Variants in ADAM22 observed in about 807,000 individuals in gnomAD.
ADAM22 encodes the protein ADAM metallopeptidase domain 22.
Under a neutral mutation model 144.6 loss-of-function variants are expected in ADAM22, and 65 were observed. The ratio of observed to expected loss-of-function variants is 0.45; its 90% confidence interval spans 0.37 to 0.55. The LOEUF (loss-of-function observed/expected upper bound fraction) is 0.55, where lower values mean the gene tolerates loss of function less well. ADAM22 is among the 20% of genes least tolerant of loss of function. The pLI, the probability that ADAM22 is intolerant of heterozygous loss-of-function variation, is 0.00. For synonymous variants in ADAM22, 391 were observed against 412.6 expected (o/e 0.95, Z 0.63); for missense variants, 974 against 1,184.9 (o/e 0.82, Z 2.61).
At chr7:88,108,714 G>A (rs1283524220) in intron 5 of ADAM22, among the ~76,000 whole-genome samples, 1 of 147,872 alleles carries the variant, frequency 6.8e-6, no homozygotes, top group African/African-American at 2.5e-5. Context: ...GTGGGATAGA[G>A]CGAGACTCTG....
intron 2 of ADAM22, among the ~76,000 whole-genome samples, chr7:87,936,607 C>T (rs1166682042): frequency 6.6e-6 from 1 of 152,050 alleles, no homozygotes; most frequent in East Asian, 1.9e-4. Flanking sequence ...ATTTCTTTTT[C>T]TATTTCCTTT....
rs1240805357 is a variant in ADAM22, at chr7:88,199,794, A to AAGTGAT, written c.*3305_*3310dup. The AAGTGAT allele has an allele frequency of 1.3e-5, 2 of 152,252 alleles. No homozygotes were observed. Among genetic ancestry groups the AAGTGAT allele is most frequent in the Non-Finnish European group, 2.9e-5 (2 of 68,038 alleles). 9.4% of individuals were successfully genotyped at this position (152,252 alleles called of 1,614,324 possible). ...TTCACTTTGATATTGGTGCTTTATT[A>AAGTGAT]AGTGATACCATAGTTTCTCTCTCTT... On this transcript the variant is annotated 3_prime_UTR_variant, in exon 32 of 32. Transcript: ENST00000413139.
At chr7:88,190,280 A>G (rs547261888) in intron 30 of ADAM22, among the ~76,000 whole-genome samples, 10 of 152,238 alleles carry the variant, frequency 6.6e-5, no homozygotes, top group Non-Finnish European at 1.2e-4. Context: ...CATGCCTATA[A>G]TTCCAGCACT....
At chr7:88,194,968 C>A (rs1850370213) in intron 31 of ADAM22, among the ~76,000 whole-genome samples, 1 of 152,188 alleles carries the variant, frequency 6.6e-6, no homozygotes, top group South Asian at 2.1e-4. Context: ...TACCACAGTC[C>A]TGTGGAGTAG....
intron 27 of ADAM22, among the ~76,000 whole-genome samples, chr7:88,180,765 A>G (rs932610506): frequency 6.6e-6 from 1 of 152,146 alleles, no homozygotes; most frequent in Non-Finnish European, 1.5e-5. Context: ...TCTGAAGTAT[A>G]TGTAGCTTGT....
chr7:87,948,913 G>A (rs1401262909), intron 2 of ADAM22, among the ~76,000 whole-genome samples: 1 of 152,182 alleles, frequency 6.6e-6, no homozygotes, highest in Non-Finnish European at 1.5e-5. Flanking sequence ...TTGGTGCTCA[G>A]TAAATATTTA....
chr7:88,039,464 A>ATATATAT (rs1554420478), intron 3 of ADAM22, among the ~76,000 whole-genome samples: 103 of 76,388 alleles, frequency 1.3e-3, no homozygotes, highest in African/African-American at 4.6e-3. Flanking sequence ...AAAAAAAAAA[A>ATATATAT]ATATATATAT....
chr7:88,001,675 G>C (rs998598419), intron 3 of ADAM22, among the ~76,000 whole-genome samples: 2 of 151,942 alleles, frequency 1.3e-5, no homozygotes, highest in African/African-American at 4.8e-5. Context: ...GGTCAGAACT[G>C]ATTGTGGCCC....
At chr7:88,006,341 A>T (rs1793846055) in intron 3 of ADAM22, among the ~76,000 whole-genome samples, 1 of 152,004 alleles carries the variant, frequency 6.6e-6, no homozygotes, top group South Asian at 2.1e-4. Context: ...AACTGGTACC[A>T]TTCCTTCTGA....
At position 88,131,404 on chromosome 7, in the gene ADAM22, A is replaced by G. The variant is rs1831726091; in HGVS notation, c.961A>G (p.Lys321Glu). The G allele has an allele frequency of 2.5e-6, 4 of 1,613,750 alleles. No individual in the cohort carries two copies. Among genetic ancestry groups the G allele is most frequent in the Admixed American group, 1.7e-5 (1 of 59,966 alleles). Residue 321 changes from lysine to glutamate, a missense_variant, in exon 11 of 32, where the codon AAA becomes GAA. Transcript: ENST00000413139. ...TATGAAATACAGGAGGGATTTTATC[A>G]AAGAGAAAAGTGATGCAGTTCACCT... ...EFMKYRRDFI[K>E]EKSDAVHLFS...
chr7:88,024,347 A>C (rs1447997863), intron 3 of ADAM22, among the ~76,000 whole-genome samples: 1 of 152,250 alleles, frequency 6.6e-6, no homozygotes, highest in African/African-American at 2.4e-5. Context: ...CCTCACCAGC[A>C]TTTGTTATTG....
chr7:87,993,473 T>G (rs572580818), intron 3 of ADAM22, among the ~76,000 whole-genome samples: 59 of 152,304 alleles, frequency 3.9e-4, no homozygotes, highest in African/African-American at 1.3e-3. Context: ...GATTGCACAA[T>G]AATAGCCCTG....
At chr7:88,145,306 G>A in intron 16 of ADAM22, 109 bp from the exon 17 acceptor site, 1 of 1,498,530 alleles carries the variant, frequency 6.7e-7, no homozygotes, top group Non-Finnish European at 9.2e-7. Context: ...TATAGGATTT[G>A]TGGAAGAAAA....
chr7:88,128,769 G>A, intron 9 of ADAM22, 93 bp downstream of exon 9: 1 of 947,566 alleles, frequency 1.1e-6, no homozygotes, highest in Admixed American at 2.3e-5. Context: ...AGCCCATCAA[G>A]TTGTAACCTG....
intron 27 of ADAM22, among the ~76,000 whole-genome samples, 170 bp from the exon 28 acceptor site, chr7:88,181,335 C>G (rs944492456): frequency 6.6e-6 from 1 of 152,092 alleles, no homozygotes; most frequent in Non-Finnish European, 1.5e-5. Flanking sequence ...TTGTGTAATT[C>G]TGCCTTCTTC....
Position 88,151,311 on chromosome 7 carries a change from TG to T in ADAM22, c.1677del (p.Gln560LysfsTer3). The T allele has an allele frequency of 6.2e-7, 1 of 1,614,116 alleles. No homozygotes were observed. Among genetic ancestry groups the T allele is most frequent in the Non-Finnish European group, 8.5e-7 (1 of 1,179,988 alleles). ...CAGAGATAGACAATGCAAATACATT[TG>T]GGGGCAAAGTAAGTAAATAGTGTGG... ...KTRDRQCKYI[W>X]GQKVTASDKY... On this transcript the variant is annotated frameshift_variant, in exon 20 of 32. Coordinates refer to ENST00000413139, the MANE Select transcript of ADAM22 (RefSeq NM_001324418.2). LOFTEE classifies it high-confidence loss of function.
At chr7:88,034,031 T>C (rs906073066) in intron 3 of ADAM22, among the ~76,000 whole-genome samples, 1 of 152,106 alleles carries the variant, frequency 6.6e-6, no homozygotes, top group Non-Finnish European at 1.5e-5. Flanking sequence ...TGCTTGGTGC[T>C]CCACCCCAGT....
At chr7:88,116,936 G>A in intron 7 of ADAM22, 122 bp downstream of exon 7, 1 of 670,888 alleles carries the variant, frequency 1.5e-6, no homozygotes, top group South Asian at 2.2e-5. Context: ...ATTTTTAGAG[G>A]GAGAGCCAAG....
At position 88,057,745 on chromosome 7, in the gene ADAM22, C is replaced by T. The variant is rs529857562; in HGVS notation, c.324-17881C>T. Among the ~76,000 whole-genome samples the T allele has an allele frequency of 5.3e-5, 8 of 152,226 alleles. No homozygotes were observed. The East Asian group carries it at 1.4e-3, about 26-fold the overall frequency. Reference sequence around the variant, plus strand: ...TGGCTGATATTTGCTGGAAATGGCCCTTGGAATGGAAAGCTAGGTCAGGAA... The same window carrying T: ...TGGCTGATATTTGCTGGAAATGGCCTTTGGAATGGAAAGCTAGGTCAGGAA... On this transcript the variant is annotated intron_variant, in intron 3 of 31. Coordinates refer to ENST00000413139, the MANE Select transcript of ADAM22 (RefSeq NM_001324418.2).
Sources: gnomAD v4.1 joint callset for allele counts (sites outside exome capture counted in the v4.1 genomes callset) on GRCh38, gnomAD v4.1.1 for gene constraint, MANE v1.5 for transcripts, NCBI Gene and HGNC (gene_info 2026-07-23, HGNC 2026-07-21) for gene names.